The following DDX49 variants were observed in gnomAD, a reference collection of about 807,000 sequenced individuals.
DDX49 encodes DEAD-box helicase 49.
DDX49 carries 50 observed loss-of-function variants against 56.3 expected under a neutral mutation model. That is an observed-to-expected ratio of 0.89 (90% confidence interval 0.71 to 1.12). The LOEUF is 1.12. DDX49 is among the 50% of genes most tolerant of loss of function. The pLI is 0.00. For missense variants in DDX49, 614 were observed against 650.5 expected (o/e 0.94, Z 0.61); for synonymous variants, 269 against 270.6 (o/e 0.99, Z 0.06).
chr19:18,919,723 C>A lies in DDX49; in HGVS notation c.-19C>A, dbSNP rs779630451. On this transcript the variant is annotated 5_prime_UTR_variant, in exon 1 of 13. Transcript: ENST00000247003. ...ATCACACGGGCCCCTACAAGGGGCC[C>A]CTACAAGCGGCCACAAGGATGGCAG... 6.2e-7 allele frequency: 1 copy of A among 1,602,084 alleles called. No homozygotes were observed. Among genetic ancestry groups the A allele is most frequent in the Non-Finnish European group, 8.5e-7 (1 of 1,171,318 alleles).
In DDX49 at chr19:18,928,213, C is replaced by A; in HGVS notation, c.1349C>A (p.Thr450Lys). The change falls in exon 13 of 13, where the codon ACG (threonine) becomes AAG (lysine). Residue 450 changes from threonine (T) to lysine (K), a missense_variant. Thr to Lys is a moderately conservative substitution (Grantham distance 78, BLOSUM62 -1). Transcript: ENST00000247003. ...CGCTTCAAGGAGAAGGTGGAGGAGA[C>A]GCTGAAGCGACAGAAGGCTGGCAGG... ...NRRFKEKVEE[T>K]LKRQKAGRAG... 1 of 1,586,192 alleles carries A rather than the reference C, an allele frequency of 6.3e-7. No homozygotes were observed. Among genetic ancestry groups the A allele is most frequent in the Non-Finnish European group, 8.6e-7 (1 of 1,166,242 alleles).
In DDX49 at chr19:18,924,867, C is replaced by G; in HGVS notation, c.930-15C>G. ...CACATGGACAGTGGAGCTGACCAGC[C>G]ACCTCTGCCTCCAGGGGCCTGGACA... is the stretch of plus-strand genomic sequence containing the variant. On this transcript the variant is annotated splice_polypyrimidine_tract_variant and intron_variant, in intron 8 of 12. Transcript: ENST00000247003. The G allele has an allele frequency of 6.2e-7, 1 of 1,612,650 alleles. No individual in the cohort carries two copies. The highest frequency in any genetic ancestry group is 8.5e-7 in the Non-Finnish European group (1 of 1,179,950).
In DDX49 at chr19:18,924,729, C is replaced by G. The variant is rs1338438013; in HGVS notation, c.929+30C>G. On this transcript the variant is annotated intron_variant, in intron 8 of 12. Transcript: ENST00000247003. The stretch of plus-strand genomic sequence containing the variant: ...GCAGCCCCCAGTCTCCTGCCAAGGG[C>G]ACTCCCTCTTTTACTACAAGGCCCC... The G allele has an allele frequency of 1.9e-6, 3 of 1,613,814 alleles. No individual in the cohort carries two copies. The African/African-American group carries it at 4.0e-5, about 22-fold the overall frequency.
At chr19:18,922,035 G>C (rs2056922143) in intron 4 of DDX49, 71 bp downstream of exon 4, 2 of 1,538,198 alleles carry the variant, frequency 1.3e-6, no homozygotes, top group African/African-American at 1.4e-5. Context: ...TCAGAGCCTG[G>C]GGCACCATCT....
At chr19:18,923,025 T>G (rs1223095306) in intron 6 of DDX49, among the ~76,000 whole-genome samples, 1 of 152,194 alleles carries the variant, frequency 6.6e-6, no homozygotes, top group Non-Finnish European at 1.5e-5. Context: ...TGAGCTTTCC[T>G]GGGCCTTTAG....
intron 11 of DDX49, 39 bp downstream of exon 11, chr19:18,927,893 A>G (rs1427421313): frequency 1.2e-6 from 2 of 1,613,898 alleles, no homozygotes; most frequent in African/African-American, 1.3e-5. Flanking sequence ...AGTGCTCTCC[A>G]GGGCCGGGGG....
In DDX49 at chr19:18,922,442, G is replaced by A. The variant is rs1422502627; in HGVS notation, c.564G>A (p.Thr188=). The A allele has an allele frequency of 3.7e-6, 6 of 1,605,704 alleles. No homozygotes were observed. Among genetic ancestry groups the A allele is most frequent in the South Asian group, 2.2e-5 (2 of 90,374 alleles). The change falls in exon 5 of 13, where the codon ACG becomes ACA. Residue 188 remains threonine, a synonymous_variant. Transcript: ENST00000247003. ...GGCAGACACTGCTGTTCAGCGCCAC[G>A]CTGACCGACACACTCCGGGAGCTGC... ...ARRQTLLFSA[T]LTDTLRELQG... is the part of the protein sequence containing the mutation.
At position 18,928,579 on chromosome 19, in the gene DDX49, A is replaced by C; in HGVS notation, c.*263A>C. On this transcript the variant is annotated 3_prime_UTR_variant, in exon 13 of 13. Transcript: ENST00000247003. ...TGACCCCAACCCAAGGTCACCCCCC[A>C]GGGGTGCCGCATACAGGAGGTGCTT... is the stretch of plus-strand genomic sequence containing the variant. 2 of 481,256 alleles carry C rather than the reference A, an allele frequency of 4.2e-6. No homozygotes were observed. The highest frequency in any genetic ancestry group is 3.7e-6 in the Non-Finnish European group (1 of 272,842). The allele number at this position is 481,256 out of a possible 1,614,324, so 29.8% of individuals were successfully genotyped here. A position where few individuals can be genotyped will look rare whatever the true frequency, so the allele number is the denominator to read the frequency against.
At chr19:18,926,663 C>A (rs184985903) in intron 10 of DDX49, among the ~76,000 whole-genome samples, 44 of 152,270 alleles carry the variant, frequency 2.9e-4, no homozygotes, top group Admixed American at 9.8e-4. Context: ...GTCAGAGGCC[C>A]CATTGACAGG....
chr19:18,928,216 T>C lies in DDX49; in HGVS notation c.1352T>C (p.Leu451Pro). 6.3e-7 allele frequency: 1 copy of C among 1,586,998 alleles called. No individual in the cohort carries two copies. The highest frequency in any genetic ancestry group is 8.6e-7 in the Non-Finnish European group (1 of 1,166,712). ...TTCAAGGAGAAGGTGGAGGAGACGC[T>C]GAAGCGACAGAAGGCTGGCAGGGCT... ...RRFKEKVEET[L>P]KRQKAGRAGH... The change falls in exon 13 of 13, where the codon CTG becomes CCG. Residue 451 changes from leucine (L) to proline (P), a missense_variant. Transcript: ENST00000247003.
chr19:18,928,079 C>T (rs1465354640), intron 12 of DDX49, 43 bp downstream of exon 12: 1 of 1,612,704 alleles, frequency 6.2e-7, no homozygotes, highest in African/African-American at 1.3e-5. Flanking sequence ...GGCCAGGTTC[C>T]CTGGCGGGGG....
Position 18,919,730 on chromosome 19 carries a change from G to T in DDX49, c.-12G>T. On this transcript the variant is annotated 5_prime_UTR_variant, in exon 1 of 13. Coordinates refer to ENST00000247003, the MANE Select transcript of DDX49 (RefSeq NM_019070.5). Reference sequence around the variant, plus strand: ...GGGCCCCTACAAGGGGCCCCTACAAGCGGCCACAAGGATGGCAGGCTTCGC... The same window carrying T: ...GGGCCCCTACAAGGGGCCCCTACAATCGGCCACAAGGATGGCAGGCTTCGC... 6.2e-7 allele frequency: 1 copy of T among 1,605,676 alleles called. No homozygotes were observed. The highest frequency in any genetic ancestry group is 8.5e-7 in the Non-Finnish European group (1 of 1,173,926).
intron 11 of DDX49, 25 bp downstream of exon 11, chr19:18,927,879 C>T (rs2056975401): frequency 6.2e-7 from 1 of 1,613,812 alleles, no homozygotes; most frequent in Non-Finnish European, 8.5e-7. Flanking sequence ...CGGGCAGGAA[C>T]TAAAGTGCTC....
At chr19:18,925,725 CAGGG>C (rs1018542495) in intron 9 of DDX49, among the ~76,000 whole-genome samples, 4 of 152,156 alleles carry the variant, frequency 2.6e-5, no homozygotes, top group Non-Finnish European at 5.9e-5. Flanking sequence ...GCTGCCTCGT[CAGGG>C]AGGGGCATGG....
chr19:18,923,730 T>C (rs1316331860), intron 6 of DDX49, among the ~76,000 whole-genome samples: 1 of 151,778 alleles, frequency 6.6e-6, no homozygotes, highest in Non-Finnish European at 1.5e-5. Context: ...GGGCCAACTC[T>C]TGTCAGTTCC....
intron 10 of DDX49, 28 bp downstream of exon 10, chr19:18,926,405 GA>G: frequency 2.9e-6 from 1 of 341,768 alleles, no homozygotes; most frequent in Non-Finnish European, 5.4e-6. Context: ...GGGTGGTAGA[GA>G]AGGAGGGGTG....
intron 9 of DDX49, among the ~76,000 whole-genome samples, chr19:18,925,401 A>G (rs753609705): frequency 1.4e-4 from 21 of 151,676 alleles, no homozygotes; most frequent in Admixed American, 3.9e-4. Flanking sequence ...AAAAATACAA[A>G]AAAATTAGCC....
intron 7 of DDX49, 140 bp downstream of exon 7, chr19:18,924,448 G>A: frequency 9.3e-7 from 1 of 1,079,018 alleles, no homozygotes; most frequent in Non-Finnish European, 1.4e-6. Context: ...CAGCTCAAGA[G>A]GCCCTCCCTG....
At chr19:18,926,451 C>A in intron 10 of DDX49, 74 bp downstream of exon 10, 2 of 1,243,654 alleles carry the variant, frequency 1.6e-6, no homozygotes, top group South Asian at 1.3e-5. Flanking sequence ...GGGTGAGACC[C>A]ATTTTCCCGT....
Sources: gnomAD v4.1 joint callset for allele counts (sites outside exome capture counted in the v4.1 genomes callset) on GRCh38, gnomAD v4.1.1 for gene constraint, MANE v1.5 for transcripts, NCBI Gene and HGNC (gene_info 2026-07-23, HGNC 2026-07-21) for gene names.